Variants in SLC2A9 observed in about 807,000 individuals in gnomAD.
The protein encoded by SLC2A9 is solute carrier family 2 member 9, also known as solute carrier family 2, facilitated glucose transporter member 9.
SLC2A9 carries 39 observed loss-of-function variants against 50.6 expected under a neutral mutation model. That is an observed-to-expected ratio of 0.77 (90% confidence interval 0.60 to 1.01). The LOEUF (loss-of-function observed/expected upper bound fraction) is 1.01. SLC2A9 is among the 50% of genes least tolerant of loss of function. The pLI is 0.00. For synonymous variants in SLC2A9, 324 were observed against 276.9 expected (o/e 1.17, Z -1.69); for missense variants, 686 against 677.6 (o/e 1.01, Z -0.14).
At chr4:9,922,380 C>A (rs1313958647) in intron 6 of SLC2A9, among the ~76,000 whole-genome samples, 1 of 152,026 alleles carries the variant, frequency 6.6e-6, no homozygotes, top group Non-Finnish European at 1.5e-5. Flanking sequence ...GGGCTTAATA[C>A]CTAGGTGATG....
intron 10 of SLC2A9, among the ~76,000 whole-genome samples, chr4:9,859,957 C>A (rs1577571212): frequency 1.3e-5 from 2 of 152,294 alleles, no homozygotes; most frequent in East Asian, 3.9e-4. Context: ...CAGCCCCCAG[C>A]TCCTGAGGGT....
chr4:10,017,607 TC>T (rs1429470840), intron 2 of SLC2A9, among the ~76,000 whole-genome samples: 2 of 152,244 alleles, frequency 1.3e-5, no homozygotes, highest in Non-Finnish European at 2.9e-5. Context: ...ATTCCAGGGC[TC>T]ATGGGAACCT....
chr4:9,917,325 C>CATTTTTTTTTTTTTTTTT (rs1743036066), intron 7 of SLC2A9, among the ~76,000 whole-genome samples: 1 of 81,798 alleles, frequency 1.2e-5, no homozygotes, highest in Non-Finnish European at 2.1e-5. Context: ...TTCTTTTTTC[C>CATTTTTTTTTTTTTTTTT]TTTTTTTTTT....
At chr4:9,924,754 C>T (rs1744588636) in intron 6 of SLC2A9, among the ~76,000 whole-genome samples, 3 of 152,036 alleles carry the variant, frequency 2.0e-5, no homozygotes, top group South Asian at 2.1e-4. Flanking sequence ...GGGCACCTGA[C>T]AACAATCACA....
intron 10 of SLC2A9, among the ~76,000 whole-genome samples, chr4:9,861,904 A>G (rs1227482293): frequency 6.6e-6 from 1 of 152,118 alleles, no homozygotes; most frequent in Non-Finnish European, 1.5e-5. Flanking sequence ...CAAATCTCCA[A>G]TGGCTTCCCA....
intron 3 of SLC2A9, among the ~76,000 whole-genome samples, chr4:9,989,453 G>A (rs1252976913): frequency 6.6e-6 from 1 of 151,970 alleles, no homozygotes; most frequent in African/African-American, 2.4e-5. Context: ...CTCAGCTGAT[G>A]ACCATGCTTT....
At chr4:9,956,308 C>T (rs376927672) in intron 5 of SLC2A9, among the ~76,000 whole-genome samples, 7 of 144,612 alleles carry the variant, frequency 4.8e-5, no homozygotes, top group Admixed American at 7.0e-5. Flanking sequence ...ATGGTGAAAC[C>T]CCATGTCTAC....
At chr4:9,873,831 A>G (rs975520364) in intron 10 of SLC2A9, among the ~76,000 whole-genome samples, 2 of 152,182 alleles carry the variant, frequency 1.3e-5, no homozygotes, top group Non-Finnish European at 2.9e-5. Flanking sequence ...GTTATTTGTT[A>G]CACAGTCATA....
chr4:9,993,764 C>T lies in SLC2A9; in HGVS notation c.410+3017G>A, dbSNP rs1186250295. ...AGAATTCTTGATCGCTGAGAATTCCCTCAGCCAGAGACTCCAAGAGGTGAG... is the reference window on the plus strand; with the variant it reads ...AGAATTCTTGATCGCTGAGAATTCCTTCAGCCAGAGACTCCAAGAGGTGAG... On this transcript the variant is annotated intron_variant, in intron 3 of 11. Transcript: ENST00000264784. Among the ~76,000 whole-genome samples the T allele has an allele frequency of 3.9e-5, 6 of 152,126 alleles. No individual in the cohort carries two copies. The East Asian group carries it at 5.8e-4, about 15-fold the overall frequency.
rs537748184 is a variant in SLC2A9 at position 9,772,781 on chromosome 4, C to A, written n.182-1412G>T. Among the ~76,000 whole-genome samples the A allele has an allele frequency of 3.0e-4, 46 of 152,000 alleles. 1 individual carries two copies. In the South Asian group the frequency reaches 9.4e-3, roughly 31 times the overall value. On this transcript the variant is annotated intron_variant and non_coding_transcript_variant, in intron 1 of 1. Transcript: ENST00000508585. ...ACAGCATCTCATTTACCCATGATAT[C>A]TCTTCATAGTAAGCATTAGGGATGC... is the stretch of plus-strand genomic sequence containing the variant.
At chr4:9,794,211 C>A (rs368112556), downstream of SLC2A9, among the ~76,000 whole-genome samples, 3 of 150,928 alleles carry the variant, frequency 2.0e-5, no homozygotes, top group African/African-American at 7.3e-5. Context: ...TGCAATGGTG[C>A]GATCTTGGCT....
chr4:9,883,322 G>A (rs1377646522), intron 10 of SLC2A9, among the ~76,000 whole-genome samples: 1 of 152,212 alleles, frequency 6.6e-6, no homozygotes, highest in Non-Finnish European at 1.5e-5. Context: ...AAAGTCCAGG[G>A]TAGTGTGTAG....
chr4:10,019,279 C>A (rs974824890), intron 1 of SLC2A9: 5 of 588,432 alleles, frequency 8.5e-6, no homozygotes, highest in Non-Finnish European at 1.5e-5. Context: ...GCCGGGCGCC[C>A]TCAGGTTTAG....
At chr4:9,804,115 C>G (rs1025978323) in intron 3 of SLC2A9, among the ~76,000 whole-genome samples, 1 of 152,180 alleles carries the variant, frequency 6.6e-6, no homozygotes, top group Non-Finnish European at 1.5e-5. Context: ...GATACATGAA[C>G]AGATGATAAA....
At chr4:10,012,506 C>A (rs536249948) in intron 2 of SLC2A9, among the ~76,000 whole-genome samples, 1 of 152,134 alleles carries the variant, frequency 6.6e-6, no homozygotes, top group South Asian at 2.1e-4. Flanking sequence ...GGAAGGAGGA[C>A]AAGAAGTAAA....
intron 2 of SLC2A9, 41 bp downstream of exon 2, chr4:10,018,934 A>G (rs544985553): frequency 1.3e-6 from 2 of 1,540,634 alleles, no homozygotes; most frequent in Non-Finnish European, 1.8e-6. Flanking sequence ...AGGTTTCCGC[A>G]GGGCCGCAGC....
chr4:9,966,559 G>T (rs1331027418), intron 5 of SLC2A9, among the ~76,000 whole-genome samples: 1 of 151,912 alleles, frequency 6.6e-6, no homozygotes, highest in East Asian at 1.9e-4. Context: ...GAGCGGCTGA[G>T]GCAGGAGAAT....
At chr4:9,788,530 T>C (rs1412164686) in intron 3 of SLC2A9, among the ~76,000 whole-genome samples, 1 of 152,048 alleles carries the variant, frequency 6.6e-6, no homozygotes, top group African/African-American at 2.4e-5. Context: ...AATCTTTTAC[T>C]TGACCCTGTT....
intron 6 of SLC2A9, among the ~76,000 whole-genome samples, chr4:9,934,542 G>A (rs147472473): frequency 1.4e-3 from 216 of 152,280 alleles, no homozygotes; most frequent in South Asian, 2.5e-3. Flanking sequence ...AGGCCCTTTG[G>A]TACCATCCAG....
Sources: gnomAD v4.1 joint callset for allele counts (sites outside exome capture counted in the v4.1 genomes callset) on GRCh38, gnomAD v4.1.1 for gene constraint, MANE v1.5 for transcripts, NCBI Gene and HGNC (gene_info 2026-07-23, HGNC 2026-07-21) for gene names.